The following NECAB1 variants were observed in gnomAD, a reference collection of about 807,000 sequenced individuals.
NECAB1 encodes N-terminal EF-hand calcium binding protein 1.
NECAB1 carries 29 observed loss-of-function variants against 57.5 expected under a neutral mutation model. The ratio of observed to expected loss-of-function variants is 0.50; its 90% CI spans 0.38 to 0.69. The LOEUF (loss-of-function observed/expected upper bound fraction) is 0.69. NECAB1 is among the 30% of genes least tolerant of loss of function. The pLI is 0.00. For synonymous variants in NECAB1, 142 were observed against 147.7 expected (o/e 0.96, Z 0.28); for missense variants, 372 against 413.8 (o/e 0.90, Z 0.88).
At position 90,925,668 on chromosome 8, in the gene NECAB1, T is replaced by A; in HGVS notation, c.616+12T>A. 1 of 1,613,030 alleles carries A rather than the reference T, an allele frequency of 6.2e-7. No individual in the cohort carries two copies. The highest frequency in any genetic ancestry group is 8.5e-7 in the Non-Finnish European group (1 of 1,179,460). On this transcript the variant is annotated intron_variant, in intron 7 of 12. Transcript: ENST00000417640. ...TGTCAGCGGTCCAGGTAACATACCCTTCATTTGTTTTTATTTGTCAAAGTC... is the reference window on the plus strand; with the variant it reads ...TGTCAGCGGTCCAGGTAACATACCCATCATTTGTTTTTATTTGTCAAAGTC...
At position 90,958,233 on chromosome 8, in the gene NECAB1, T is replaced by C. The variant is rs1056180777; in HGVS notation, c.*2721T>C. Reference sequence around the variant, plus strand: ...CGAATTAAAACTTAATGTATGTCAATTATTTTCAAATGTCTAAATTCCTTT... The same window carrying C: ...CGAATTAAAACTTAATGTATGTCAACTATTTTCAAATGTCTAAATTCCTTT... On this transcript the variant is annotated 3_prime_UTR_variant, in exon 13 of 13. Transcript: ENST00000417640. 2 of 151,646 alleles carry C rather than the reference T, an allele frequency of 1.3e-5. No individual in the cohort carries two copies. The highest frequency in any genetic ancestry group is 4.8e-5 in the African/African-American group (2 of 41,380). 9.4% of individuals were successfully genotyped at this position (151,646 alleles called of 1,614,324 possible).
intron 5 of NECAB1, among the ~76,000 whole-genome samples, chr8:90,894,815 T>C (rs1458600816): frequency 2.0e-5 from 3 of 152,330 alleles, no homozygotes; most frequent in African/African-American, 7.2e-5. Flanking sequence ...AAGTAAAAAT[T>C]TGGAATGTTG....
intron 12 of NECAB1, among the ~76,000 whole-genome samples, chr8:90,955,085 G>C (rs895282948): frequency 8.3e-6 from 1 of 120,940 alleles, no homozygotes; most frequent in Non-Finnish European, 1.7e-5. Context: ...TCTACATATA[G>C]GATTTCATAA....
chr8:90,959,310 A>G lies in NECAB1; in HGVS notation c.*3798A>G, dbSNP rs749624751. On this transcript the variant is annotated 3_prime_UTR_variant, in exon 13 of 13. Transcript: ENST00000417640. ...AATATGTATTAATGTGTAAATCACA[A>G]GTAAAATGAATTCTAATGTACAAGT... is the stretch of plus-strand genomic sequence containing the variant. 3.7e-5 allele frequency: 7 copies of G among 190,160 alleles called. No individual in the cohort carries two copies. Among genetic ancestry groups the G allele is most frequent in the Non-Finnish European group, 5.3e-5 (5 of 93,594 alleles). 11.8% of individuals were successfully genotyped at this position (190,160 alleles called of 1,614,324 possible).
intron 11 of NECAB1, 92 bp downstream of exon 11, chr8:90,949,976 CT>C: frequency 1.4e-6 from 1 of 728,068 alleles, no homozygotes. Context: ...GTTCCATTCT[CT>C]TTTACCTTAC....
At chr8:90,954,185 G>T (rs1208989710) in intron 12 of NECAB1, among the ~76,000 whole-genome samples, 1 of 151,788 alleles carries the variant, frequency 6.6e-6, no homozygotes. Context: ...TAAAAATGCA[G>T]TATGAATAAG....
intron 4 of NECAB1, 88 bp downstream of exon 4, chr8:90,872,241 ATGT>A (rs1808634626): frequency 9.4e-7 from 1 of 1,061,900 alleles, no homozygotes; most frequent in South Asian, 1.6e-5. Flanking sequence ...CTTGGAATTA[ATGT>A]TGTATATTAG....
At chr8:90,847,703 G>C (rs1341966301) in intron 3 of NECAB1, among the ~76,000 whole-genome samples, 1 of 152,202 alleles carries the variant, frequency 6.6e-6, no homozygotes, top group African/African-American at 2.4e-5. Context: ...TGCACCCACA[G>C]GCCCAACACC....
intron 6 of NECAB1, among the ~76,000 whole-genome samples, chr8:90,919,505 C>T (rs910018868): frequency 9.9e-5 from 15 of 152,154 alleles, no homozygotes; most frequent in Non-Finnish European, 1.8e-4. Context: ...TCCTGTAATT[C>T]CAGAATCTAA....
At chr8:90,835,099 C>G (rs1384993597) in intron 3 of NECAB1, among the ~76,000 whole-genome samples, 1 of 151,696 alleles carries the variant, frequency 6.6e-6, no homozygotes, top group Non-Finnish European at 1.5e-5. Flanking sequence ...ATATTATTTA[C>G]AATTTTATAT....
Position 90,925,624 on chromosome 8 carries a change from C to A in NECAB1, c.584C>A (p.Pro195Gln). The change falls in exon 7 of 13, where the codon CCA becomes CAA. Residue 195 changes from proline to glutamine, a missense_variant. Coordinates refer to ENST00000417640, the MANE Select transcript of NECAB1 (RefSeq NM_022351.5). ...GTCCAGAGACACAACAGCTTCTCCCCAAACAGCCCTCAGTTTAATGTCAGC... is the reference window on the plus strand; with the variant it reads ...GTCCAGAGACACAACAGCTTCTCCCAAAACAGCCCTCAGTTTAATGTCAGC... ...RRVQRHNSFS[P>Q]NSPQFNVSGP... is the part of the protein sequence containing the mutation. The A allele has an allele frequency of 1.9e-6, 3 of 1,613,840 alleles. No homozygotes were observed. The highest frequency in any genetic ancestry group is 3.3e-5 in the Admixed American group (2 of 59,996).
Position 90,955,470 on chromosome 8 carries a change from CAT to C in NECAB1, c.1031-16_1031-15del. On this transcript the variant is annotated splice_polypyrimidine_tract_variant and intron_variant, in intron 12 of 12. Transcript: ENST00000417640. ...AAGTTATTTTCATTATTTTAGAAAA[CAT>C]TTTTCTCTTTTCAGCTTCGTGGTGG... 6.5e-7 allele frequency: 1 copy of C among 1,535,776 alleles called. No individual in the cohort carries two copies. The highest frequency in any genetic ancestry group is 8.8e-7 in the Non-Finnish European group (1 of 1,135,988).
intron 5 of NECAB1, among the ~76,000 whole-genome samples, chr8:90,910,528 CTG>C (rs1319782929): frequency 1.3e-5 from 2 of 152,062 alleles, no homozygotes; most frequent in African/African-American, 4.8e-5. Context: ...CTTTCTGGCT[CTG>C]TTTCTCTCCC....
chr8:90,792,423 C>A (rs1811591777), intron 1 of NECAB1, among the ~76,000 whole-genome samples: 1 of 152,202 alleles, frequency 6.6e-6, no homozygotes, highest in Non-Finnish European at 1.5e-5. Context: ...GATTGAGATG[C>A]CCTCGTTATC....
At chr8:90,832,472 A>G (rs938347011) in intron 3 of NECAB1, among the ~76,000 whole-genome samples, 2 of 152,264 alleles carry the variant, frequency 1.3e-5, no homozygotes, top group South Asian at 4.1e-4. Context: ...ATTCTTAGTT[A>G]TAATTTTTTG....
chr8:90,956,742 A>T lies in NECAB1; in HGVS notation c.*1230A>T, dbSNP rs1314070192. 6.6e-6 allele frequency: 1 copy of T among 152,296 alleles called. No homozygotes were observed. The highest frequency in any genetic ancestry group is 1.5e-5 in the Non-Finnish European group (1 of 67,912). The allele number at this position is 152,296 out of a possible 1,614,324, so 9.4% of individuals were successfully genotyped here. A position where few individuals can be genotyped will look rare whatever the true frequency, so the allele number is the denominator to read the frequency against. On this transcript the variant is annotated 3_prime_UTR_variant, in exon 13 of 13. Coordinates refer to ENST00000417640, the MANE Select transcript of NECAB1 (RefSeq NM_022351.5). The stretch of plus-strand genomic sequence containing the variant: ...TCCCCCTTTGAAAAACTCAGGAAAA[A>T]AGGAAGATTGAACTAATAAAATTTT...
chr8:90,901,061 T>C (rs1809489541), intron 5 of NECAB1, among the ~76,000 whole-genome samples: 1 of 152,184 alleles, frequency 6.6e-6, no homozygotes, highest in Admixed American at 6.5e-5. Flanking sequence ...TGCTCTAATA[T>C]AAAACACAGA....
intron 10 of NECAB1, among the ~76,000 whole-genome samples, chr8:90,945,068 A>AT (rs1355526897): frequency 3.0e-4 from 46 of 151,080 alleles, no homozygotes; most frequent in African/African-American, 9.7e-4. Flanking sequence ...TGGCTAATTT[A>AT]TTTATTTTTT....
intron 5 of NECAB1, among the ~76,000 whole-genome samples, chr8:90,906,901 A>ATATG (rs1563528349): frequency 7.2e-6 from 1 of 139,310 alleles, no homozygotes; most frequent in African/African-American, 2.9e-5. Flanking sequence ...ATATATATAT[A>ATATG]TATATATATC....
Sources: allele counts gnomAD v4.1 joint callset (sites outside exome capture counted in the v4.1 genomes callset), GRCh38; gene constraint gnomAD v4.1.1; transcripts MANE v1.5; gene names NCBI Gene and HGNC (gene_info 2026-07-23, HGNC 2026-07-21).